SP3: variants seen among roughly 807,000 people sequenced by gnomAD.
SP3 encodes transcription factor Sp3.
In SP3, 10 loss-of-function variants were observed where a neutral mutation model predicts 70.3. That is an observed-to-expected ratio of 0.14 (90% confidence interval 0.09 to 0.24). The LOEUF (loss-of-function observed/expected upper bound fraction) is 0.24, where lower values mean the gene tolerates loss of function less well. SP3 is among the 10% of genes least tolerant of loss of function. SP3 has a pLI of 1.00. For missense variants in SP3, 825 were observed against 914.6 expected (o/e 0.90, Z 1.26); for synonymous variants, 402 against 333.5 (o/e 1.21, Z -2.24).
intron 4 of SP3, among the ~76,000 whole-genome samples, chr2:173,940,070 T>TCTTG (rs1408596703): frequency 3.3e-5 from 5 of 152,118 alleles, no homozygotes; most frequent in Non-Finnish European, 7.4e-5. Flanking sequence ...AGAGGCAAGG[T>TCTTG]CTTGCTTGGT....
chr2:173,918,856 A>G (rs1326585909), intron 4 of SP3, 71 bp from the exon 5 acceptor site: 2 of 1,329,980 alleles, frequency 1.5e-6, no homozygotes, highest in Non-Finnish European at 2.1e-6. Flanking sequence ...ATGAAATTAC[A>G]TGTCTTCTCC....
Position 173,905,222 on chromosome 2 carries a change from A to C in SP3, c.*4719T>G, listed in dbSNP as rs964127912. ...CCATAGTCAAACAATGAAAATTCTA[A>C]AACACTTCACTACAGAAAAATGGAA... On this transcript the variant is annotated 3_prime_UTR_variant, in exon 7 of 7. Transcript: ENST00000310015. Among the ~76,000 whole-genome samples, 2 of 152,220 alleles carry C rather than the reference A, an allele frequency of 1.3e-5. No individual in the cohort carries two copies. Among genetic ancestry groups the C allele is most frequent in the Non-Finnish European group, 2.9e-5 (2 of 68,046 alleles).
At chr2:173,964,157 C>T (rs866975067) in intron 2 of SP3, 199 of 389,972 alleles carry the variant, frequency 5.1e-4, no homozygotes, top group African/African-American at 3.7e-3. Context: ...CGGAACCCAC[C>T]CCCGGGAGGG....
chr2:173,961,366 C>T (rs1294302733), intron 3 of SP3, among the ~76,000 whole-genome samples: 1 of 152,172 alleles, frequency 6.6e-6, no homozygotes, highest in African/African-American at 2.4e-5. Context: ...CTTTTAATCT[C>T]AAAATACCAA....
intron 4 of SP3, among the ~76,000 whole-genome samples, chr2:173,938,459 C>CAAAAAAA (rs747595137): frequency 4.7e-4 from 22 of 46,364 alleles, no homozygotes; most frequent in Non-Finnish European, 5.8e-4. Flanking sequence ...AACTTTGCCT[C>CAAAAAAA]AAAAAAAAAA....
intron 3 of SP3, among the ~76,000 whole-genome samples, chr2:173,958,524 C>T (rs1690964818): frequency 6.7e-6 from 1 of 149,554 alleles, no homozygotes; most frequent in Admixed American, 6.7e-5. Flanking sequence ...CCGAACTTTT[C>T]TGAATAAGCC....
At position 173,906,336 on chromosome 2, in the gene SP3, T is replaced by G. The variant is rs1689319902; in HGVS notation, c.*3605A>C. On this transcript the variant is annotated 3_prime_UTR_variant, in exon 7 of 7. Coordinates refer to ENST00000310015, the MANE Select transcript of SP3 (RefSeq NM_003111.5). ...CAAGGCAAGGGGCCAATGTTGTTTC[T>G]TCAACACTAAATAAAATTATGAGGT... 1 of 152,212 alleles carries G rather than the reference T, an allele frequency of 6.6e-6. No individual in the cohort carries two copies. Among genetic ancestry groups the G allele is most frequent in the Admixed American group, 6.5e-5 (1 of 15,284 alleles). The allele number at this position is 152,212 out of a possible 1,614,324, so 9.4% of individuals were successfully genotyped here.
rs1689421100 is a variant in SP3 at position 173,909,604 on chromosome 2, C to G, written c.*337G>C. On this transcript the variant is annotated 3_prime_UTR_variant, in exon 7 of 7. Coordinates refer to ENST00000310015, the MANE Select transcript of SP3 (RefSeq NM_003111.5). ...TTTTTTATCTTACAATAGATAAATA[C>G]CAACATGTTCTCATTTTTACACTAA... 1 of 166,084 alleles carries G rather than the reference C, an allele frequency of 6.0e-6. No individual in the cohort carries two copies. Among genetic ancestry groups the G allele is most frequent in the Non-Finnish European group, 1.3e-5 (1 of 76,120 alleles). 10.3% of individuals were successfully genotyped at this position (166,084 alleles called of 1,614,324 possible).
At chr2:173,953,584 T>TA (rs1467000271) in intron 4 of SP3, among the ~76,000 whole-genome samples, 4 of 152,030 alleles carry the variant, frequency 2.6e-5, no homozygotes, top group Non-Finnish European at 5.9e-5. Flanking sequence ...TCATCTTTAC[T>TA]AAAAATACAA....
In SP3 at chr2:173,956,305, G is replaced by A. The variant is rs1327331825; in HGVS notation, c.280-73C>T. The A allele has an allele frequency of 4.1e-6, 6 of 1,461,570 alleles. No homozygotes were observed. The African/African-American group carries it at 4.3e-5, about 10-fold the overall frequency. 90.5% of individuals were successfully genotyped at this position (1,461,570 alleles called of 1,614,324 possible). A position where few individuals can be genotyped will look rare whatever the true frequency, so the allele number is the denominator to read the frequency against. On this transcript the variant is annotated intron_variant, in intron 3 of 6. Coordinates refer to ENST00000310015, the MANE Select transcript of SP3 (RefSeq NM_003111.5). ...CAACCCTCAAAAAATTCTAAAAACT[G>A]GTATAAATCCTACTACCTGAAAATT...
intron 6 of SP3, among the ~76,000 whole-genome samples, chr2:173,911,979 G>A (rs559585067): frequency 5.3e-5 from 8 of 152,014 alleles, no homozygotes; most frequent in Admixed American, 3.3e-4. Context: ...CCATCCGCCC[G>A]GCTATTCTTT....
Position 173,955,060 on chromosome 2 carries a change from G to A in SP3, c.1452C>T (p.Ala484=). 6.2e-7 allele frequency: 1 copy of A among 1,614,118 alleles called. No homozygotes were observed. Among genetic ancestry groups the A allele is most frequent in the Non-Finnish European group, 8.5e-7 (1 of 1,180,010 alleles). ...GAACAGGCGTCAAAGTTATTTGTTG[G>A]GCAGCAGTATTCTGTATTTGCAAAT... ...LQNLQIQNTA[A]QQITLTPVQT... The change falls in exon 4 of 7, where the codon GCC becomes GCT. Residue 484 remains alanine (A), a synonymous_variant. Transcript: ENST00000310015.
At chr2:173,917,919 A>G (rs1445523977) in intron 5 of SP3, among the ~76,000 whole-genome samples, 1 of 151,204 alleles carries the variant, frequency 6.6e-6, no homozygotes, top group Non-Finnish European at 1.5e-5. Flanking sequence ...ATCTTTTTCC[A>G]TCCCTCATCT....
intron 4 of SP3, among the ~76,000 whole-genome samples, chr2:173,923,756 A>C (rs569286062): frequency 6.7e-6 from 1 of 149,756 alleles, no homozygotes; most frequent in African/African-American, 2.5e-5. Context: ...TTCTAAATCA[A>C]ATTTGATTTA....
At chr2:173,930,919 C>CT (rs1690048790) in intron 4 of SP3, among the ~76,000 whole-genome samples, 1 of 152,106 alleles carries the variant, frequency 6.6e-6, no homozygotes, top group South Asian at 2.1e-4. Flanking sequence ...GTAAAATTAA[C>CT]TTTAATATAT....
At chr2:173,927,671 T>C (rs1689954429) in intron 4 of SP3, among the ~76,000 whole-genome samples, 1 of 152,242 alleles carries the variant, frequency 6.6e-6, no homozygotes, top group African/African-American at 2.4e-5. Flanking sequence ...TGAGATCCTT[T>C]TAAGCTTTAT....
Position 173,954,954 on chromosome 2 carries a change from T to C in SP3, c.1558A>G (p.Asn520Asp), listed in dbSNP as rs1690831065. The C allele has an allele frequency of 1.9e-6, 3 of 1,614,166 alleles. No individual in the cohort carries two copies. The highest frequency in any genetic ancestry group is 1.7e-6 in the Non-Finnish European group (2 of 1,180,014). Residue 520 changes from asparagine to aspartate, a missense_variant, in exon 4 of 7, where the codon AAT becomes GAT. Physicochemically the swap from Asn to Asp is conservative, Grantham distance 23. Transcript: ENST00000310015. ...PVSLSTGQLP[N>D]LQTVTVNSID... The stretch of plus-strand genomic sequence containing the variant: ...GAGTTCACTGTAACTGTTTGTAGAT[T>C]TGGCAACTGACCAGTGCTTAGACTA...
At chr2:173,948,707 A>G (rs973817485) in intron 4 of SP3, among the ~76,000 whole-genome samples, 1 of 152,198 alleles carries the variant, frequency 6.6e-6, no homozygotes, top group African/African-American at 2.4e-5. Context: ...TTTGTTTTCC[A>G]TATCAAGCCA....
At chr2:173,925,528 G>A (rs1396951274) in intron 4 of SP3, among the ~76,000 whole-genome samples, 1 of 152,160 alleles carries the variant, frequency 6.6e-6, no homozygotes, top group African/African-American at 2.4e-5. Flanking sequence ...TTACTGAACT[G>A]TACACTTAAA....
Sources: allele counts gnomAD v4.1 joint callset (sites outside exome capture counted in the v4.1 genomes callset), GRCh38; gene constraint gnomAD v4.1.1; transcripts MANE v1.5; gene names NCBI Gene and HGNC (gene_info 2026-07-23, HGNC 2026-07-21).